The following LEF1 variants were observed in gnomAD, a reference collection of about 807,000 sequenced individuals.
The protein encoded by LEF1 is lymphoid enhancer-binding factor 1.
A neutral mutation model predicts 51.2 loss-of-function variants in LEF1; 14 were observed. That is an observed-to-expected ratio of 0.27 (90% confidence interval 0.18 to 0.43). The LOEUF (loss-of-function observed/expected upper bound fraction) is 0.43. LEF1 is among the 20% of genes least tolerant of loss of function. LEF1 has a pLI of 1.00. For synonymous variants in LEF1, 185 were observed against 183.2 expected (o/e 1.01, Z -0.08); for missense variants, 386 against 512.0 (o/e 0.75, Z 2.37).
intron 8 of LEF1, chr4:108,072,149 G>T (rs1469520846): frequency 6.6e-6 from 1 of 152,108 alleles, no homozygotes; most frequent in South Asian, 2.1e-4. Context: ...TATTAATTTT[G>T]ATCTCCCTGT....
intron 6 of LEF1, among the ~76,000 whole-genome samples, chr4:108,080,881 C>A (rs1316551496): frequency 3.3e-5 from 5 of 152,168 alleles, no homozygotes; most frequent in African/African-American, 1.2e-4. Context: ...AAAGCCACAT[C>A]GAACACACAG....
rs528967041 is a variant in LEF1, at chr4:108,136,148, C to T, written c.414+27420G>A. On this transcript the variant is annotated intron_variant, in intron 3 of 11. Coordinates refer to ENST00000265165, the MANE Select transcript of LEF1 (RefSeq NM_016269.5). ...GAAGAAAACAGGAAATAACTCTGAA[C>T]TTAAATGTAAAATAACTTTCAGAAG... Among the ~76,000 whole-genome samples, 17 of 152,276 alleles carry T rather than the reference C, an allele frequency of 1.1e-4. No homozygotes were observed. In the South Asian group the frequency reaches 2.9e-3, roughly 26 times the overall value.
chr4:108,066,612 A>G (rs1462618846), intron 9 of LEF1, among the ~76,000 whole-genome samples: 1 of 152,220 alleles, frequency 6.6e-6, no homozygotes, highest in Non-Finnish European at 1.5e-5. Context: ...CCGCTAAATC[A>G]AATAACCTGT....
intron 3 of LEF1, among the ~76,000 whole-genome samples, chr4:108,136,585 G>A (rs1254515809): frequency 6.6e-6 from 1 of 151,214 alleles, no homozygotes; most frequent in African/African-American, 2.4e-5. Context: ...AATGCCAGAA[G>A]TTTGCCTTTC....
chr4:108,109,654 T>C (rs1475668288), intron 3 of LEF1, among the ~76,000 whole-genome samples: 10 of 152,170 alleles, frequency 6.6e-5, no homozygotes, highest in Admixed American at 2.0e-4. Context: ...TGGTGACCAA[T>C]AGGCACTAGA....
At chr4:108,151,871 C>T (rs1236215286) in intron 3 of LEF1, among the ~76,000 whole-genome samples, 1 of 152,070 alleles carries the variant, frequency 6.6e-6, no homozygotes, top group Non-Finnish European at 1.5e-5. Flanking sequence ...CGGATTGATA[C>T]CTGGTGTTGT....
intron 3 of LEF1, among the ~76,000 whole-genome samples, chr4:108,161,106 A>G (rs1490206089): frequency 1.3e-5 from 2 of 152,220 alleles, no homozygotes; most frequent in Admixed American, 1.3e-4. Context: ...CAGCCCTGCT[A>G]AGGACAGAGT....
intron 3 of LEF1, among the ~76,000 whole-genome samples, chr4:108,134,641 G>A (rs751282576): frequency 2.0e-5 from 3 of 152,190 alleles, no homozygotes; most frequent in Middle Eastern, 3.2e-3. Context: ...AAAAGAGCAC[G>A]TATTGCCCAT....
At chr4:108,139,590 C>T (rs145143370) in intron 3 of LEF1, among the ~76,000 whole-genome samples, 430 of 152,182 alleles carry the variant, frequency 2.8e-3, no homozygotes, top group Non-Finnish European at 4.7e-3. Context: ...GCCCTGCTGG[C>T]ATTAGCTCAG....
intron 11 of LEF1, among the ~76,000 whole-genome samples, chr4:108,062,774 GA>G (rs1737783859): frequency 1.3e-5 from 2 of 152,178 alleles, no homozygotes; most frequent in South Asian, 4.1e-4. Context: ...AAGTGTGAGA[GA>G]AAAGGCTCAA....
chr4:108,086,745 T>C (rs772072025), intron 4 of LEF1, among the ~76,000 whole-genome samples: 13 of 152,120 alleles, frequency 8.5e-5, no homozygotes, highest in Non-Finnish European at 1.9e-4. Flanking sequence ...TAGGATTTCC[T>C]AAAAGCGCTT....
intron 3 of LEF1, among the ~76,000 whole-genome samples, chr4:108,139,227 A>G (rs532308603): frequency 6.6e-5 from 10 of 152,362 alleles, no homozygotes; most frequent in Admixed American, 5.2e-4. Flanking sequence ...TTTTCTGCTC[A>G]TTAACTCTAT....
chr4:108,069,891 G>A (rs1434525752), intron 9 of LEF1, among the ~76,000 whole-genome samples: 1 of 151,276 alleles, frequency 6.6e-6, no homozygotes, highest in Non-Finnish European at 1.5e-5. Context: ...CCAGGAGGCA[G>A]AGGTTGCAGT....
At chr4:108,079,346 T>C (rs1246956251) in intron 7 of LEF1, 146 bp downstream of exon 7, 1 of 870,222 alleles carries the variant, frequency 1.1e-6, no homozygotes, top group African/African-American at 1.7e-5. Context: ...CTGCTTAATG[T>C]CCTCAGGGAC....
chr4:108,129,346 T>C (rs1742728172), intron 3 of LEF1, among the ~76,000 whole-genome samples: 1 of 152,210 alleles, frequency 6.6e-6, no homozygotes. Flanking sequence ...GAATGCTTTC[T>C]TTACCTCTAG....
intron 3 of LEF1, among the ~76,000 whole-genome samples, chr4:108,113,455 G>A (rs1010778815): frequency 6.6e-6 from 1 of 152,110 alleles, no homozygotes; most frequent in Non-Finnish European, 1.5e-5. Flanking sequence ...TTGTTGTGGG[G>A]GTGGGAGGGA....
At chr4:108,070,939 T>A (rs1382776765) in intron 8 of LEF1, 169 bp from the exon 9 acceptor site, 9 of 562,882 alleles carry the variant, frequency 1.6e-5, no homozygotes, top group Non-Finnish European at 2.5e-5. Flanking sequence ...TGGAGTCTAG[T>A]GGCTACAGTG....
At chr4:108,068,826 T>A (rs767223404) in intron 9 of LEF1, among the ~76,000 whole-genome samples, 1 of 152,184 alleles carries the variant, frequency 6.6e-6, no homozygotes, top group Non-Finnish European at 1.5e-5. Flanking sequence ...CCTAAAGCAA[T>A]GGCTACATAT....
intron 3 of LEF1, among the ~76,000 whole-genome samples, chr4:108,099,566 GTGTGTATATATATATATATATA>G (rs1740634120): frequency 1.1e-4 from 8 of 72,876 alleles, no homozygotes; most frequent in South Asian, 4.9e-4. Context: ...ATGTGTGTGT[GTGTGTATATATATATATATATA>G]TATATATATA....
Sources: allele counts gnomAD v4.1 joint callset (sites outside exome capture counted in the v4.1 genomes callset), GRCh38; gene constraint gnomAD v4.1.1; transcripts MANE v1.5; gene names NCBI Gene and HGNC (gene_info 2026-07-23, HGNC 2026-07-21).